GNAO1: variants seen among roughly 807,000 people sequenced by gnomAD.
GNAO1 encodes the protein G protein subunit alpha o1, also known as guanine nucleotide-binding protein G(o) subunit alpha.
For synonymous variants in GNAO1, 164 were observed against 180.7 expected (o/e 0.91, Z 0.74); for missense variants, 166 against 478.7 (o/e 0.35, Z 6.10).
chr16:56,240,223 T>C (rs1378400678), intron 2 of GNAO1, among the ~76,000 whole-genome samples: 4 of 152,104 alleles, frequency 2.6e-5, no homozygotes, highest in Non-Finnish European at 5.9e-5. Context: ...CAGCTCAGTG[T>C]GTGGAGGGCT....
intron 2 of GNAO1, among the ~76,000 whole-genome samples, chr16:56,249,573 A>G (rs551942668): frequency 1.3e-5 from 2 of 152,326 alleles, no homozygotes; most frequent in African/African-American, 4.8e-5. Flanking sequence ...TCAAGGAGCC[A>G]CTGGCTGCAA....
At chr16:56,321,427 C>T (rs902917207) in intron 3 of GNAO1, among the ~76,000 whole-genome samples, 2 of 152,112 alleles carry the variant, frequency 1.3e-5, no homozygotes, top group Non-Finnish European at 1.5e-5. Context: ...CCTTTGAGAG[C>T]CTCTCTTTCC....
Position 56,354,773 on chromosome 16 carries a change from C to T in GNAO1, c.878-93C>T, listed in dbSNP as rs1373470190. 2.2e-5 allele frequency: 16 copies of T among 734,088 alleles called. No homozygotes were observed. The highest frequency in any genetic ancestry group is 3.5e-5 in the African/African-American group (2 of 56,878). 45.5% of individuals were successfully genotyped at this position (734,088 alleles called of 1,614,324 possible). A position where few individuals can be genotyped will look rare whatever the true frequency, so the allele number is the denominator to read the frequency against. ...CTGTCTCATCCCACTTCCTGGGACA[C>T]GCCACAACCCACTTCTTGTCTTCAT... On this transcript the variant is annotated intron_variant, in intron 7 of 8. Coordinates refer to ENST00000262493, the MANE Select transcript of GNAO1 (RefSeq NM_020988.3). This position sits in a 1 kb window ranked among gnomAD's most constrained non-coding sequence, Gnocchi z 4.3.
At chr16:56,343,718 C>T (rs376546227) in intron 6 of GNAO1, 204 of 1,519,468 alleles carry the variant, frequency 1.3e-4, no homozygotes, top group Middle Eastern at 8.6e-4. Context: ...CCAAGCAGTC[C>T]CATGGGCCTC....
chr16:56,225,468 C>T (rs1202689571), intron 2 of GNAO1, among the ~76,000 whole-genome samples: 1 of 152,178 alleles, frequency 6.6e-6, no homozygotes, highest in African/African-American at 2.4e-5. Context: ...GTGACTCTCC[C>T]TGATCACCCA....
At position 56,255,777 on chromosome 16, in the gene GNAO1, CT is replaced by C. The variant is rs535748298; in HGVS notation, c.162-20153del. 8.5e-5 allele frequency among the ~76,000 whole-genome samples: 13 copies of C among 152,234 alleles called. No homozygotes were observed. In the South Asian group the frequency reaches 2.7e-3, roughly 32 times the overall value. ...CCCAATATTTTTAAGTTAGATCCCC[CT>C]GGATCTGTCCTCCATGTCTGTTATC... On this transcript the variant is annotated intron_variant, in intron 2 of 8. Coordinates refer to ENST00000262493, the MANE Select transcript of GNAO1 (RefSeq NM_020988.3).
chr16:56,337,131 TTGG>T lies in GNAO1; in HGVS notation c.723+275_723+277del, dbSNP rs201740905. Among the ~76,000 whole-genome samples, 1,243 of 152,226 alleles carry T rather than the reference TTGG, an allele frequency of 8.2e-3. 15 individuals are homozygous for T. The highest frequency in any genetic ancestry group is 0.028 in the African/African-American group (1,181 of 41,516). The stretch of plus-strand genomic sequence containing the variant: ...TGCAGAATGTGCCTCTTCCATAAAC[TTGG>T]TGGAGTCACAGAGGCCATCAGGCCA... On this transcript the variant is annotated intron_variant, in intron 6 of 8. Transcript: ENST00000262493.
chr16:56,237,159 CT>C, intron 2 of GNAO1, among the ~76,000 whole-genome samples: 1 of 152,160 alleles, frequency 6.6e-6, no homozygotes, highest in East Asian at 1.9e-4. Flanking sequence ...GTAAGTCTCT[CT>C]TATAATTGTA....
At chr16:56,248,595 G>C (rs1002372546) in intron 2 of GNAO1, among the ~76,000 whole-genome samples, 1 of 152,196 alleles carries the variant, frequency 6.6e-6, no homozygotes, top group Non-Finnish European at 1.5e-5. Flanking sequence ...AAAATAAACA[G>C]GGAGGGACTT....
intron 2 of GNAO1, among the ~76,000 whole-genome samples, chr16:56,231,920 C>G (rs1490568293): frequency 6.6e-6 from 1 of 152,154 alleles, no homozygotes; most frequent in East Asian, 1.9e-4. Context: ...GATGTCGTCC[C>G]TGTGGCCACC....
chr16:56,232,799 C>T, intron 2 of GNAO1, among the ~76,000 whole-genome samples: 1 of 152,114 alleles, frequency 6.6e-6, no homozygotes, highest in South Asian at 2.1e-4. Context: ...GGGTGAAGCG[C>T]CCTCCAACTA....
chr16:56,238,642 C>G (rs959230543), intron 2 of GNAO1, among the ~76,000 whole-genome samples: 1 of 152,260 alleles, frequency 6.6e-6, no homozygotes, highest in Non-Finnish European at 1.5e-5. Flanking sequence ...GATCTCTTTC[C>G]ACGCTGCAGG....
At chr16:56,294,071 T>A (rs1222735904) in intron 3 of GNAO1, among the ~76,000 whole-genome samples, 1 of 152,112 alleles carries the variant, frequency 6.6e-6, no homozygotes, top group African/African-American at 2.4e-5. Context: ...CTGAGAAAGG[T>A]TAAGTCGCTT....
At chr16:56,304,867 A>G (rs1422344266) in intron 3 of GNAO1, among the ~76,000 whole-genome samples, 1 of 152,206 alleles carries the variant, frequency 6.6e-6, no homozygotes, top group South Asian at 2.1e-4. Flanking sequence ...TTGTGTTGAT[A>G]CTCAGCTGAA....
intron 2 of GNAO1, among the ~76,000 whole-genome samples, chr16:56,196,077 G>C (rs529227535): frequency 6.6e-6 from 1 of 152,054 alleles, no homozygotes; most frequent in African/African-American, 2.4e-5. Flanking sequence ...AGTGTCATTT[G>C]AAAAGCCTGA....
In GNAO1 at chr16:56,327,748, C is replaced by T. The variant is rs189131481; in HGVS notation, c.304-883C>T. Among the ~76,000 whole-genome samples, 357 of 152,246 alleles carry T rather than the reference C, an allele frequency of 2.3e-3. 4 individuals are homozygous for T. The highest frequency in any genetic ancestry group is 0.02 in the Admixed American group (307 of 15,298). ...CTTTTTCTGTAATTTCAAGAAGGCT[C>T]AGCCTACACGTGTGCACCTTAAGCA... On this transcript the variant is annotated intron_variant, in intron 3 of 8. Coordinates refer to ENST00000262493, the MANE Select transcript of GNAO1 (RefSeq NM_020988.3).
At chr16:56,263,361 T>G (rs1419089114) in intron 2 of GNAO1, among the ~76,000 whole-genome samples, 1 of 152,230 alleles carries the variant, frequency 6.6e-6, no homozygotes, top group Non-Finnish European at 1.5e-5. Flanking sequence ...TCATTCGCCA[T>G]GTACCAAGCT....
rs758503575 is a variant in GNAO1, at chr16:56,343,820, A to T, written c.723+6960A>T. 1.9e-6 allele frequency: 3 copies of T among 1,611,466 alleles called. No individual in the cohort carries two copies. In the South Asian group the frequency reaches 3.3e-5, roughly 18 times the overall value. On this transcript the variant is annotated intron_variant, in intron 6 of 8. Coordinates refer to ENST00000262493, the MANE Select transcript of GNAO1 (RefSeq NM_020988.3). ...ATCCAGGCCCAGTACGAGAGCAAGA[A>T]CAAGTCAGCCCACAAAGAGATCTAC...
chr16:56,305,854 G>A (rs2037390310), intron 3 of GNAO1, among the ~76,000 whole-genome samples: 2 of 152,266 alleles, frequency 1.3e-5, no homozygotes, highest in African/African-American at 4.8e-5. Flanking sequence ...CCTTCCCTCC[G>A]TGTGAGTCTG....
Sources: allele counts gnomAD v4.1 joint callset (sites outside exome capture counted in the v4.1 genomes callset), GRCh38; gene constraint gnomAD v4.1.1; non-coding constraint Gnocchi (gnomAD v3.1); transcripts MANE v1.5; gene names NCBI Gene and HGNC (gene_info 2026-07-23, HGNC 2026-07-21).